The following IL20RB variants were observed in gnomAD, a reference collection of about 807,000 sequenced individuals.
IL20RB encodes the protein interleukin 20 receptor subunit beta.
In IL20RB, 21 loss-of-function variants were observed where a neutral mutation model predicts 33.3. The observed-to-expected ratio is 0.63, with a 90% CI of 0.45 to 0.91. IL20RB has a LOEUF of 0.91. Ranked by LOEUF, IL20RB falls within the 40% of genes least tolerant of loss-of-function variation. The pLI is 0.00. For synonymous variants in IL20RB, 147 were observed against 146.8 expected, an observed-to-expected ratio of 1.00 and a Z score of -0.01; for missense variants, 345 against 384.8, an observed-to-expected ratio of 0.90 and a Z score of 0.86.
intron 1 of IL20RB, among the ~76,000 whole-genome samples, chr3:136,970,938 C>T (rs963729749): frequency 3.9e-5 from 6 of 152,178 alleles, no homozygotes; most frequent in East Asian, 3.9e-4. Flanking sequence ...AGGCATGAGA[C>T]GCTGTGCCTG....
intron 6 of IL20RB, among the ~76,000 whole-genome samples, chr3:137,001,976 C>G (rs1942252754): frequency 6.6e-6 from 1 of 152,084 alleles, no homozygotes; most frequent in Non-Finnish European, 1.5e-5. Context: ...GCACTGTGTC[C>G]AAGTGATCTC....
At chr3:137,006,818 G>A (rs1387229361) in intron 6 of IL20RB, among the ~76,000 whole-genome samples, 1 of 152,196 alleles carries the variant, frequency 6.6e-6, no homozygotes, top group African/African-American at 2.4e-5. Context: ...CATTGCTGGC[G>A]AGGAGCTGTG....
At chr3:136,983,593 T>C (rs1043718135) in intron 3 of IL20RB, among the ~76,000 whole-genome samples, 1 of 152,106 alleles carries the variant, frequency 6.6e-6, no homozygotes. Context: ...ATCAAGTTTG[T>C]GGGGACAGAA....
At chr3:136,972,879 T>C (rs1941523010) in intron 1 of IL20RB, among the ~76,000 whole-genome samples, 1 of 152,150 alleles carries the variant, frequency 6.6e-6, no homozygotes, top group South Asian at 2.1e-4. Context: ...TGAGATGCAT[T>C]GTTAGATTGT....
At chr3:136,960,379 C>T (rs1941185697) in intron 1 of IL20RB, among the ~76,000 whole-genome samples, 1 of 152,032 alleles carries the variant, frequency 6.6e-6, no homozygotes, top group South Asian at 2.1e-4. Context: ...ATCTCTTGAC[C>T]TTGTGATTTG....
At chr3:136,972,274 C>T (rs572505181) in intron 1 of IL20RB, among the ~76,000 whole-genome samples, 9 of 152,228 alleles carry the variant, frequency 5.9e-5, no homozygotes, top group East Asian at 1.9e-4. Context: ...TCCCATTCAA[C>T]GGATTGTCTC....
intron 6 of IL20RB, among the ~76,000 whole-genome samples, chr3:137,002,480 G>A (rs959878860): frequency 7.9e-5 from 12 of 152,202 alleles, no homozygotes; most frequent in Admixed American, 6.5e-5. Flanking sequence ...ACTGGTATGA[G>A]ATGGTATCTC....
chr3:136,987,053 A>C (rs995411454), intron 3 of IL20RB, among the ~76,000 whole-genome samples: 6 of 152,128 alleles, frequency 3.9e-5, no homozygotes, highest in Non-Finnish European at 7.4e-5. Context: ...GTGTGGACCC[A>C]AAGAGTGAGC....
chr3:136,988,025 A>T (rs1351595434), intron 3 of IL20RB, among the ~76,000 whole-genome samples: 2 of 152,214 alleles, frequency 1.3e-5, no homozygotes, highest in African/African-American at 4.8e-5. Flanking sequence ...CAGCCCAGAA[A>T]GGGGCTCCCG....
intron 1 of IL20RB, among the ~76,000 whole-genome samples, chr3:136,969,660 C>G (rs986389800): frequency 6.6e-6 from 1 of 151,932 alleles, no homozygotes; most frequent in African/African-American, 2.4e-5. Flanking sequence ...CCGTCTTCTG[C>G]GTCGCTCACG....
chr3:136,974,287 A>G (rs1165673333), intron 1 of IL20RB, among the ~76,000 whole-genome samples: 1 of 152,078 alleles, frequency 6.6e-6, no homozygotes, highest in Non-Finnish European at 1.5e-5. Flanking sequence ...TTTCAATTTC[A>G]GGTTTAGGAC....
intron 1 of IL20RB, among the ~76,000 whole-genome samples, chr3:136,964,352 C>A (rs1350464592): frequency 9.6e-6 from 1 of 104,542 alleles, no homozygotes; most frequent in Non-Finnish European, 1.9e-5. Flanking sequence ...CTCTCCAACA[C>A]CTGTTGTTTC....
chr3:136,995,562 A>G lies in IL20RB; in HGVS notation c.825+6A>G. The G allele has an allele frequency of 6.2e-7, 1 of 1,614,092 alleles. No homozygotes were observed. Among genetic ancestry groups the G allele is most frequent in the Non-Finnish European group, 8.5e-7 (1 of 1,179,990 alleles). On this transcript the variant is annotated splice_donor_region_variant and intron_variant, in intron 6 of 6. Coordinates refer to ENST00000329582, the MANE Select transcript of IL20RB (RefSeq NM_144717.4). ...TGGTCCTCCCAGACACCTTGGTAAT[A>G]GAGTAGTTCTTTATTCCTTTCAGTA...
chr3:136,978,820 G>A lies in IL20RB; in HGVS notation c.89-1646G>A, dbSNP rs1445879696. On this transcript the variant is annotated intron_variant, in intron 1 of 6. Coordinates refer to ENST00000329582, the MANE Select transcript of IL20RB (RefSeq NM_144717.4). ...TGGAAACTGTTCTTTCCTATTCTAT[G>A]TTTTAGAGGAAATTGCATTTTGTTG... Among the ~76,000 whole-genome samples the A allele has an allele frequency of 2.6e-5, 4 of 152,148 alleles. No homozygotes were observed. In the East Asian group the frequency reaches 5.8e-4, roughly 22 times the overall value.
intron 3 of IL20RB, among the ~76,000 whole-genome samples, chr3:136,984,043 T>C (rs1941845880): frequency 6.6e-6 from 1 of 152,200 alleles, no homozygotes; most frequent in Non-Finnish European, 1.5e-5. Flanking sequence ...TTCACCATGT[T>C]GCCCAGGCTG....
chr3:136,997,249 C>A (rs1000666256), intron 6 of IL20RB, among the ~76,000 whole-genome samples: 1 of 152,080 alleles, frequency 6.6e-6, no homozygotes, highest in Admixed American at 6.5e-5. Context: ...CCTGCCACCA[C>A]ACCCATCTAA....
Position 136,995,414 on chromosome 3 carries a change from G to A in IL20RB, c.683G>A (p.Gly228Glu), listed in dbSNP as rs1942105822. Residue 228 changes from glycine to glutamate, a missense_variant and splice_region_variant, in exon 6 of 7, where the codon GGA (glycine) becomes GAA (glutamate). By Grantham distance (98) the Gly-to-Glu change is moderately conservative. Coordinates refer to ENST00000329582, the MANE Select transcript of IL20RB (RefSeq NM_144717.4). ...FSQTECVEVQ[G>E]EAIPLVLALF... ...GCCTGTTTTTATCTTTTGTTTCCAG[G>A]AGAGGCCATTCCCCTGGTACTGGCC... 1.2e-6 allele frequency: 2 copies of A among 1,613,804 alleles called. No homozygotes were observed. Among genetic ancestry groups the A allele is most frequent in the South Asian group, 1.1e-5 (1 of 91,046 alleles).
At chr3:136,980,188 T>A in intron 1 of IL20RB, 1 of 449,624 alleles carries the variant, frequency 2.2e-6, no homozygotes, top group South Asian at 2.3e-5. Flanking sequence ...TATTGATATG[T>A]CATTTATCAA....
At chr3:136,987,693 G>A (rs1941940137) in intron 3 of IL20RB, among the ~76,000 whole-genome samples, 1 of 152,224 alleles carries the variant, frequency 6.6e-6, no homozygotes, top group South Asian at 2.1e-4. Context: ...GGGGGTGGGA[G>A]GCTCAGGCAT....
Sources: allele counts gnomAD v4.1 joint callset (sites outside exome capture counted in the v4.1 genomes callset), GRCh38; gene constraint gnomAD v4.1.1; transcripts MANE v1.5; gene names NCBI Gene and HGNC (gene_info 2026-07-23, HGNC 2026-07-21).